VPS13D: variants seen among roughly 807,000 people sequenced by gnomAD.
The protein encoded by VPS13D is intermembrane lipid transfer protein VPS13D.
A neutral mutation model predicts 461.9 loss-of-function variants in VPS13D; 187 were observed. That is an observed-to-expected ratio of 0.40 (90% CI 0.36 to 0.46). VPS13D has a LOEUF of 0.46. Among genes scored for constraint, VPS13D ranks in the 20% least tolerant of loss-of-function variants. VPS13D has a pLI of 0.60. For missense variants in VPS13D, 4,711 were observed against 5,364.9 expected (o/e 0.88, Z 3.81); for synonymous variants, 1,951 against 1,986.3 (o/e 0.98, Z 0.47).
chr1:12,428,948 G>A (rs955685790), intron 65 of VPS13D, among the ~76,000 whole-genome samples: 2 of 152,246 alleles, frequency 1.3e-5, no homozygotes, highest in Non-Finnish European at 2.9e-5. Context: ...AAACTGCACA[G>A]TTCCATGAGA....
intron 29 of VPS13D, 48 bp downstream of exon 29, chr1:12,311,973 A>C: frequency 6.7e-7 from 1 of 1,490,740 alleles, no homozygotes; most frequent in Non-Finnish European, 9.3e-7. Context: ...GTATCCAAAT[A>C]ATACACATGT....
At chr1:12,347,201 C>T (rs1643695089) in intron 44 of VPS13D, among the ~76,000 whole-genome samples, 1 of 151,512 alleles carries the variant, frequency 6.6e-6, no homozygotes, top group Admixed American at 6.6e-5. Flanking sequence ...GACGGAGTCT[C>T]GCTCTGTTGC....
intron 65 of VPS13D, among the ~76,000 whole-genome samples, chr1:12,440,576 T>C (rs1278521315): frequency 1.3e-5 from 2 of 152,156 alleles, no homozygotes; most frequent in East Asian, 3.9e-4. Context: ...ATTTATGCAA[T>C]TTAAAGTGAA....
chr1:12,378,446 C>T lies in VPS13D; in HGVS notation c.10936C>T (p.Gln3646Ter), dbSNP rs1167534169. Residue 3646 changes from glutamine (Q) to a stop codon, truncating the protein, a stop_gained, in exon 56 of 70, where the codon CAG becomes TAG. Transcript: ENST00000620676. LOFTEE classifies it high-confidence loss of function. The part of the protein sequence containing the change: ...LKKKEPGKRS[Q>*]LWRMTGTGML... ...TTAACAGGAACCAGGAAAGCGTTCT[C>T]AGCTGTGGAGGATGACAGGAACAGG... 6.2e-7 allele frequency: 1 copy of T among 1,608,160 alleles called. No homozygotes were observed. The highest frequency in any genetic ancestry group is 1.1e-5 in the South Asian group (1 of 90,054).
intron 23 of VPS13D, among the ~76,000 whole-genome samples, 196 bp from the exon 24 acceptor site, chr1:12,293,328 C>T (rs1306453426): frequency 1.3e-5 from 2 of 152,204 alleles, no homozygotes; most frequent in Non-Finnish European, 2.9e-5. Context: ...ATACTCCTGG[C>T]TATCACACCT....
Position 12,268,716 on chromosome 1 carries a change from A to T in VPS13D, c.1812A>T (p.Pro604=), listed in dbSNP as rs1557675331. 5 of 1,613,470 alleles carry T rather than the reference A, an allele frequency of 3.1e-6. No individual in the cohort carries two copies. Among genetic ancestry groups the T allele is most frequent in the African/African-American group, 1.3e-5 (1 of 74,972 alleles). Residue 604 remains proline, a synonymous_variant, in exon 16 of 70, where the codon CCA becomes CCT. Coordinates refer to ENST00000620676, the MANE Select transcript of VPS13D (RefSeq NM_015378.4). ...TGTTCTTTCCTTTAGCTGCAGATCC[A>T]GATGGCCCCGTTTTTGAGATGCTGT... The part of the protein sequence containing the change: ...DRSDHYPAAD[P]DGPVFEMLYE...
Position 12,460,286 on chromosome 1 carries a change from CCTTGGAAAAGGG to C in VPS13D, c.12557_12568del (p.Gly4186_Leu4189del), listed in dbSNP as rs769559104. The C allele has an allele frequency of 1.2e-6, 2 of 1,612,046 alleles. No individual in the cohort carries two copies. The highest frequency in any genetic ancestry group is 2.7e-5 in the African/African-American group (2 of 74,918). ...GGGGTGTCAGCGGTTTCATATCTGG[CCTTGGAAAAGGG>C]CTTGTTGGCACTGTAACCAAGCCAG... On this transcript the variant is annotated inframe_deletion, in exon 67 of 70. Transcript: ENST00000620676.
chr1:12,341,638 A>C, intron 40 of VPS13D, 142 bp from the exon 41 acceptor site: 1 of 671,478 alleles, frequency 1.5e-6, no homozygotes. Context: ...TGGAGCTTCC[A>C]TTTGTCCTGT....
At chr1:12,363,350 C>G in intron 52 of VPS13D, 103 bp downstream of exon 52, 1 of 1,268,820 alleles carries the variant, frequency 7.9e-7, no homozygotes, top group Non-Finnish European at 1.1e-6. Flanking sequence ...ATTTCTGGCT[C>G]AGACAGAGGT....
chr1:12,350,188 G>A (rs1156794930), intron 46 of VPS13D, among the ~76,000 whole-genome samples: 3 of 152,110 alleles, frequency 2.0e-5, no homozygotes, highest in Non-Finnish European at 4.4e-5. Flanking sequence ...TGTTATCAAT[G>A]AGCTTGTTAT....
intron 3 of VPS13D, 50 bp from the exon 4 acceptor site, chr1:12,244,194 AAG>A: frequency 1.3e-6 from 2 of 1,528,730 alleles, no homozygotes; most frequent in Non-Finnish European, 1.8e-6. Flanking sequence ...AAAAAATGGA[AAG>A]AATTAAAAAT....
At chr1:12,253,599 T>A in intron 6 of VPS13D, 123 bp from the exon 7 acceptor site, 1 of 716,596 alleles carries the variant, frequency 1.4e-6, no homozygotes, top group South Asian at 1.7e-5. Flanking sequence ...TTAATTGAGT[T>A]ATATGTCCAC....
At chr1:12,490,415 A>G (rs1298815705) in intron 67 of VPS13D, among the ~76,000 whole-genome samples, 1 of 152,252 alleles carries the variant, frequency 6.6e-6, no homozygotes. Flanking sequence ...ATGTAAACAG[A>G]GGCAAACTTT....
At chr1:12,400,419 G>C (rs945945134) in intron 61 of VPS13D, 89 bp downstream of exon 61, 1 of 1,492,240 alleles carries the variant, frequency 6.7e-7, no homozygotes, top group Non-Finnish European at 9.1e-7. Flanking sequence ...AGCAGTGCCG[G>C]GTGCTGATGG....
intron 66 of VPS13D, among the ~76,000 whole-genome samples, chr1:12,457,901 C>T (rs2100405600): frequency 6.6e-6 from 1 of 152,314 alleles, no homozygotes; most frequent in South Asian, 2.1e-4. Flanking sequence ...TTTAATCATT[C>T]TTTCTCGTAA....
intron 35 of VPS13D, among the ~76,000 whole-genome samples, chr1:12,324,250 A>G (rs1308618962): frequency 1.3e-5 from 2 of 152,234 alleles, no homozygotes; most frequent in South Asian, 2.1e-4. Context: ...GCTCATGCCT[A>G]TAATCCCAAC....
chr1:12,385,972 G>A (rs942420718), intron 59 of VPS13D, among the ~76,000 whole-genome samples: 5 of 152,268 alleles, frequency 3.3e-5, no homozygotes, highest in African/African-American at 4.8e-5. Context: ...TGGAGTTCTC[G>A]TTGGGGTGAA....
In VPS13D at chr1:12,276,778, A is replaced by T. The variant is rs151332868; in HGVS notation, c.3190A>T (p.Thr1064Ser). The change falls in exon 19 of 70, where the codon ACT (threonine) becomes TCT (serine). Residue 1064 changes from threonine to serine, a missense_variant. By Grantham distance (58) the Thr-to-Ser change is moderately conservative. Around this residue, in one of 3 missense-constraint regions of VPS13D, gnomAD observed 4,411 missense variants for 4,937.8 expected, o/e 0.89. Coordinates refer to ENST00000620676, the MANE Select transcript of VPS13D (RefSeq NM_015378.4). The surrounding 1 kb of genome is among the most constrained non-coding windows in gnomAD (Gnocchi z 4.5). ...DGATLNDRSA[T>S]SVSLDKILTK... ...AGCTACACTGAACGACCGATCAGCT[A>T]CTAGTGTTTCACTTGACAAAATTCT... The T allele has an allele frequency of 1.2e-6, 2 of 1,614,212 alleles. No homozygotes were observed. Among genetic ancestry groups the T allele is most frequent in the Non-Finnish European group, 1.7e-6 (2 of 1,180,030 alleles).
At chr1:12,380,182 T>C (rs1644254679) in intron 57 of VPS13D, among the ~76,000 whole-genome samples, 2 of 152,208 alleles carry the variant, frequency 1.3e-5, no homozygotes, top group South Asian at 4.1e-4. Context: ...ACCTGGACTT[T>C]TTCTTTGATG....
Sources: allele counts gnomAD v4.1 joint callset (sites outside exome capture counted in the v4.1 genomes callset), GRCh38; gene constraint gnomAD v4.1.1; regional missense constraint gnomAD v4.1.1; non-coding constraint Gnocchi (gnomAD v3.1); transcripts MANE v1.5; gene names NCBI Gene and HGNC (gene_info 2026-07-23, HGNC 2026-07-21).